The following MCM3AP variants were observed in gnomAD, a reference collection of about 807,000 sequenced individuals.
MCM3AP encodes germinal-center associated nuclear protein.
A neutral mutation model predicts 184.1 loss-of-function variants in MCM3AP; 126 were observed. The ratio of observed to expected loss-of-function variants is 0.68; its 90% CI spans 0.59 to 0.79. MCM3AP has a LOEUF of 0.79. Among genes scored for constraint, MCM3AP ranks in the 30% least tolerant of loss-of-function variants. MCM3AP has a pLI of 0.00. For synonymous variants in MCM3AP, 1,002 were observed against 979.3 expected (o/e 1.02, Z -0.43); for missense variants, 2,496 against 2,479.2 (o/e 1.01, Z -0.14).
At chr21:46,259,164 T>G (rs941865284) in intron 15 of MCM3AP, 73 bp from the exon 16 acceptor site, 4 of 1,498,718 alleles carry the variant, frequency 2.7e-6, no homozygotes. Flanking sequence ...GCTTGAAAAG[T>G]GCAAGAGTCA....
chr21:46,284,069 T>A lies in MCM3AP; in HGVS notation c.1218A>T (p.Glu406Asp). The A allele has an allele frequency of 1.2e-6, 2 of 1,609,854 alleles. No homozygotes were observed. Reference sequence around the variant, plus strand: ...ATGTGCTACATTTTCAGAGCTCACCTTCTTTCTTCTCTCTACTTTCAGTTT... The same window carrying A: ...ATGTGCTACATTTTCAGAGCTCACCATCTTTCTTCTCTCTACTTTCAGTTT... ...EEETESREKKEDSLRGTPARQ... is the reference protein window; with the variant it reads ...EEETESREKKDDSLRGTPARQ... Residue 406 changes from glutamate (E) to aspartate (D), a missense_variant and splice_region_variant, in exon 1 of 28, where the codon GAA becomes GAT. Coordinates refer to ENST00000291688, the MANE Select transcript of MCM3AP (RefSeq NM_003906.5).
In MCM3AP at chr21:46,284,352, G is replaced by C. The variant is rs767466432; in HGVS notation, c.935C>G (p.Ser312Trp). 2.5e-5 allele frequency: 40 copies of C among 1,614,084 alleles called. No homozygotes were observed. Among genetic ancestry groups the C allele is most frequent in the Non-Finnish European group, 3.4e-5 (40 of 1,180,046 alleles). Reference protein sequence around the residue: ...RRHGHEPAEDSDPLSRGDHPP... With the variant: ...RRHGHEPAEDWDPLSRGDHPP... ...ATGATCGCCCCGGGACAGAGGATCC[G>C]AATCTTCTGCTGGCTCGTGGCCATG... The change falls in exon 1 of 28, where the codon TCG (serine) becomes TGG (tryptophan). Residue 312 changes from serine to tryptophan, a missense_variant. Around this residue, in one of 5 missense-constraint regions of MCM3AP, gnomAD observed 800 missense variants for 717.1 expected, o/e 1.12. Transcript: ENST00000291688.
chr21:46,246,240 TCAAGATA>T (rs2080765792), intron 22 of MCM3AP, 60 bp downstream of exon 22: 1 of 967,618 alleles, frequency 1.0e-6, no homozygotes, highest in Non-Finnish European at 1.7e-6. Context: ...TACACTCAAT[TCAAGATA>T]CAGCAAAAGG....
Position 46,280,584 on chromosome 21 carries a change from CAGT to C in MCM3AP, c.1444-12_1444-10del. 6.3e-7 allele frequency: 1 copy of C among 1,596,172 alleles called. No homozygotes were observed. On this transcript the variant is annotated splice_polypyrimidine_tract_variant and intron_variant, in intron 2 of 27. Coordinates refer to ENST00000291688, the MANE Select transcript of MCM3AP (RefSeq NM_003906.5). ...GCCAGGGCTGCAGATGCCTGGAAAACAGTCCACAACCGCCATGTGTGAGTATAT... is the reference window on the plus strand; with the variant it reads ...GCCAGGGCTGCAGATGCCTGGAAAACCCACAACCGCCATGTGTGAGTATAT...
At chr21:46,246,498 T>C in intron 21 of MCM3AP, 94 bp from the exon 22 acceptor site, 1 of 1,410,242 alleles carries the variant, frequency 7.1e-7, no homozygotes, top group Non-Finnish European at 1.0e-6. Context: ...AGTCCTGCAG[T>C]GGACAGTCAC....
chr21:46,253,363 C>T (rs2080901437), intron 19 of MCM3AP: 1 of 152,188 alleles, frequency 6.6e-6, no homozygotes, highest in African/African-American at 2.4e-5. Flanking sequence ...AAATAACAAT[C>T]AACTCTTAAA....
chr21:46,249,812 A>G, intron 20 of MCM3AP: 1 of 269,620 alleles, frequency 3.7e-6, no homozygotes, highest in Non-Finnish European at 7.4e-6. Flanking sequence ...TCCACCAGAC[A>G]GCACCTGCAG....
intron 20 of MCM3AP, chr21:46,247,148 CTTA>C (rs2080787106): frequency 4.7e-6 from 2 of 423,792 alleles, no homozygotes; most frequent in African/African-American, 2.0e-5. Context: ...AGAAGGGGGT[CTTA>C]TTATGTTGCC....
Position 46,285,251 on chromosome 21 carries a change from A to G in MCM3AP, c.36T>C (p.Pro12=). The G allele has an allele frequency of 6.2e-7, 1 of 1,614,126 alleles. No individual in the cohort carries two copies. Residue 12 remains proline, a synonymous_variant, in exon 1 of 28, where the codon CCT becomes CCC. Transcript: ENST00000291688. ...TACTAGAAGACGCCGAAAAAGCACTAGGCTGCTGCCCACTGAAAGGATTAG... is the reference window on the plus strand; with the variant it reads ...TACTAGAAGACGCCGAAAAAGCACTGGGCTGCTGCCCACTGAAAGGATTAG... ...NPTNPFSGQQ[P]SAFSASSSNV...
At chr21:46,243,362 C>A (rs1353678468) in intron 24 of MCM3AP, 103 bp downstream of exon 24, 17 of 1,357,806 alleles carry the variant, frequency 1.3e-5, no homozygotes, top group Non-Finnish European at 1.5e-5. Context: ...AGGATAGAGA[C>A]CCAAAAGAAA....
chr21:46,270,630 T>C (rs1028112027), intron 8 of MCM3AP, 67 bp from the exon 9 acceptor site: 8 of 1,322,818 alleles, frequency 6.0e-6, no homozygotes, highest in African/African-American at 3.0e-5. Context: ...TTCATGAAGA[T>C]AGATCTGATA....
At chr21:46,279,455 G>A (rs1230064394) in intron 4 of MCM3AP, among the ~76,000 whole-genome samples, 3 of 152,228 alleles carry the variant, frequency 2.0e-5, no homozygotes, top group Non-Finnish European at 2.9e-5. Flanking sequence ...GGCAGGCAGC[G>A]ACCCGCCACA....
intron 2 of MCM3AP, among the ~76,000 whole-genome samples, chr21:46,282,788 G>A (rs2145722089): frequency 6.6e-6 from 1 of 151,874 alleles, no homozygotes; most frequent in East Asian, 1.9e-4. Flanking sequence ...CTGGGTGACA[G>A]AGCAAGACTC....
chr21:46,282,929 C>T (rs13047784), intron 2 of MCM3AP, among the ~76,000 whole-genome samples: 6,845 of 151,768 alleles, frequency 0.045, 218 homozygotes, highest in Non-Finnish European at 0.068. Context: ...CACTTTTTTT[C>T]TTTTTCTTTT....
Position 46,256,899 on chromosome 21 carries a change from G to A in MCM3AP, c.3822C>T (p.Asp1274=). 6.2e-7 allele frequency: 1 copy of A among 1,607,556 alleles called. No individual in the cohort carries two copies. The change falls in exon 17 of 28, where the codon GAC becomes GAT. Residue 1274 remains aspartate, a synonymous_variant. Transcript: ENST00000291688. Reference sequence around the variant, plus strand: ...CGCTGGGCGCCAGCGCCCTCAGCCGGTCGCTCACGTCCACGCAGCAGGGCG... The same window carrying A: ...CGCTGGGCGCCAGCGCCCTCAGCCGATCGCTCACGTCCACGCAGCAGGGCG... ...PAAPCCVDVS[D]RLRALAPSAE...
At chr21:46,267,898 T>TA (rs17182795) in intron 9 of MCM3AP, 68,853 of 144,154 alleles carry the variant, frequency 0.48, 15,908 homozygotes, top group Middle Eastern at 0.54. Context: ...ACCAGTGTCT[T>TA]AAAAAAAAGA....
intron 5 of MCM3AP, among the ~76,000 whole-genome samples, chr21:46,276,433 C>G (rs532103325): frequency 6.6e-6 from 1 of 152,024 alleles, no homozygotes; most frequent in Non-Finnish European, 1.5e-5. Flanking sequence ...GAGGAAACTC[C>G]TATAGCTGAT....
chr21:46,273,523 C>T lies in MCM3AP; in HGVS notation c.2061G>A (p.Leu687=), dbSNP rs941758481. Reference sequence around the variant, plus strand: ...CTGGCAAGGGCCGCAGCTCGTGGGGCAGGGGCTCCTCCTGATCCGCCGAGG... The same window carrying T: ...CTGGCAAGGGCCGCAGCTCGTGGGGTAGGGGCTCCTCCTGATCCGCCGAGG... ...SRSSADQEEP[L]PHELRPLPVL... is the part of the protein sequence containing the mutation. Residue 687 remains leucine (L), a synonymous_variant, in exon 7 of 28, where the codon CTG becomes CTA. Transcript: ENST00000291688. 6.2e-7 allele frequency: 1 copy of T among 1,613,918 alleles called. No individual in the cohort carries two copies. The highest frequency in any genetic ancestry group is 1.7e-5 in the Admixed American group (1 of 60,016).
At chr21:46,280,807 T>TC (rs1268047330) in intron 2 of MCM3AP, among the ~76,000 whole-genome samples, 4 of 129,248 alleles carry the variant, frequency 3.1e-5, no homozygotes, top group Admixed American at 8.4e-5. Flanking sequence ...ATTTGCTCTT[T>TC]CCCCCTTTTT....
Sources: gnomAD v4.1 joint callset for allele counts (sites outside exome capture counted in the v4.1 genomes callset) on GRCh38, gnomAD v4.1.1 for gene constraint, gnomAD v4.1.1 regional missense constraint, MANE v1.5 for transcripts, NCBI Gene and HGNC (gene_info 2026-07-23, HGNC 2026-07-21) for gene names.